IL36G: variants seen among roughly 807,000 people sequenced by gnomAD.
IL36G encodes interleukin 36 gamma, also known as interleukin-36 gamma.
Under a neutral mutation model 13.5 loss-of-function variants are expected in IL36G, and 10 were observed. That is an observed-to-expected ratio of 0.74 (90% CI 0.46 to 1.26). IL36G has a LOEUF of 1.26. IL36G is among the 50% of genes most tolerant of loss of function. IL36G has a pLI of 0.00. For synonymous variants in IL36G, 84 were observed against 74.0 expected (o/e 1.13, Z -0.69); for missense variants, 199 against 203.0 (o/e 0.98, Z 0.12).
At chr2:112,981,391 G>A (rs1356966645) in intron 4 of IL36G, 10 of 731,614 alleles carry the variant, frequency 1.4e-5, no homozygotes, top group Non-Finnish European at 2.5e-5. Flanking sequence ...CCTTCACCTT[G>A]GCTTATCTCC....
Position 112,985,034 on chromosome 2 carries a change from A to T in IL36G, c.495A>T (p.Leu165Phe). 1 of 1,613,180 alleles carries T rather than the reference A, an allele frequency of 6.2e-7. No individual in the cohort carries two copies. Among genetic ancestry groups the T allele is most frequent in the Non-Finnish European group, 8.5e-7 (1 of 1,179,196 alleles). ...LGKSYNTAFE[L>F]NIND ...AGTCATACAACACTGCCTTTGAATT[A>T]AATATAAATGACTGAACTCAGCCTA... The change falls in exon 5 of 5, where the codon TTA becomes TTT. Residue 165 changes from leucine (L) to phenylalanine (F), a missense_variant. Physicochemically the swap from Leu to Phe is conservative, Grantham distance 22 (BLOSUM62 0). Transcript: ENST00000259205.
At chr2:112,980,626 A>T (rs1262799720) in intron 4 of IL36G, among the ~76,000 whole-genome samples, 1 of 152,214 alleles carries the variant, frequency 6.6e-6, no homozygotes, top group Non-Finnish European at 1.5e-5. Flanking sequence ...AGGAAGTGAA[A>T]TGAAAATGGT....
chr2:112,981,854 C>G (rs1684268090), intron 4 of IL36G, among the ~76,000 whole-genome samples: 1 of 152,164 alleles, frequency 6.6e-6, no homozygotes, highest in Non-Finnish European at 1.5e-5. Context: ...TTCCCAAGCT[C>G]TCTGGTTTGT....
chr2:112,982,894 G>A (rs948040986), intron 4 of IL36G, among the ~76,000 whole-genome samples: 2 of 152,298 alleles, frequency 1.3e-5, no homozygotes, highest in South Asian at 4.1e-4. Context: ...TATGGACAGC[G>A]ATTGCAGGAA....
chr2:112,984,647 G>C (rs1006115776), intron 4 of IL36G, among the ~76,000 whole-genome samples, 193 bp from the exon 5 acceptor site: 1 of 152,200 alleles, frequency 6.6e-6, no homozygotes, highest in Non-Finnish European at 1.5e-5. Flanking sequence ...ATTTGAGGGT[G>C]GGGGCTTGGA....
chr2:112,985,024 C>A lies in IL36G; in HGVS notation c.485C>A (p.Ala162Asp), dbSNP rs576289209. 8.7e-6 allele frequency: 14 copies of A among 1,613,524 alleles called. No individual in the cohort carries two copies. The South Asian group carries it at 1.4e-4, about 16-fold the overall frequency. ...GAACTTGGGAAGTCATACAACACTG[C>A]CTTTGAATTAAATATAAATGACTGA... ...TSELGKSYNTAFELNIND is the reference protein window; with the variant it reads ...TSELGKSYNTDFELNIND Residue 162 changes from alanine (A) to aspartate (D), a missense_variant, in exon 5 of 5, where the codon GCC becomes GAC. Physicochemically the swap from Ala to Asp is moderately radical, Grantham distance 126. Transcript: ENST00000259205.
At chr2:112,982,168 A>G (rs1451357959) in intron 4 of IL36G, among the ~76,000 whole-genome samples, 1 of 152,226 alleles carries the variant, frequency 6.6e-6, no homozygotes, top group East Asian at 1.9e-4. Context: ...GGATAGATAG[A>G]CCAGCAGTAC....
In IL36G at chr2:112,981,374, G is replaced by A; in HGVS notation, c.300+1226G>A. 8.1e-6 allele frequency: 6 copies of A among 744,170 alleles called. 1 individual carries two copies. The South Asian group carries it at 8.3e-5, about 10-fold the overall frequency. The allele number at this position is 744,170 out of a possible 1,614,324, so 46.1% of individuals were successfully genotyped here. On this transcript the variant is annotated intron_variant, in intron 4 of 4. Transcript: ENST00000259205. Reference sequence around the variant, plus strand: ...AGACAACTTTGCGGGCCTTCTCTGTGGTTCGTCCTTCACCTTGGCTTATCT... The same window carrying A: ...AGACAACTTTGCGGGCCTTCTCTGTAGTTCGTCCTTCACCTTGGCTTATCT...
At chr2:112,983,733 G>A (rs1233356427) in intron 4 of IL36G, among the ~76,000 whole-genome samples, 1 of 152,256 alleles carries the variant, frequency 6.6e-6, no homozygotes, top group East Asian at 1.9e-4. Flanking sequence ...GGGCTTTGCC[G>A]AGGAGTTTCA....
intron 4 of IL36G, chr2:112,981,049 T>C: frequency 1.5e-6 from 1 of 659,118 alleles, no homozygotes; most frequent in South Asian, 1.7e-5. Flanking sequence ...GCTAACAACA[T>C]AGCTTAAAAA....
chr2:112,984,570 C>A (rs183995193), intron 4 of IL36G, among the ~76,000 whole-genome samples: 67 of 152,276 alleles, frequency 4.4e-4, no homozygotes, highest in Admixed American at 9.2e-4. Context: ...AGAGTTCTAA[C>A]TTGTTGTTCA....
intron 1 of IL36G, 136 bp downstream of exon 1, chr2:112,978,214 G>A (rs1322505518): frequency 1.4e-5 from 3 of 214,876 alleles, no homozygotes; most frequent in African/African-American, 2.3e-5. Context: ...GCTTCTTACT[G>A]GGGAGTTGCT....
At chr2:112,983,408 A>C (rs1187040842) in intron 4 of IL36G, among the ~76,000 whole-genome samples, 1 of 152,178 alleles carries the variant, frequency 6.6e-6, no homozygotes, top group Non-Finnish European at 1.5e-5. Context: ...AGTTGGTACT[A>C]ATGAAGAAAA....
At chr2:112,982,315 A>C (rs1684278088) in intron 4 of IL36G, among the ~76,000 whole-genome samples, 1 of 152,236 alleles carries the variant, frequency 6.6e-6, no homozygotes, top group Non-Finnish European at 1.5e-5. Context: ...TCCCAGGACC[A>C]GTGAGGACCG....
chr2:112,983,878 G>A (rs943974659), intron 4 of IL36G, among the ~76,000 whole-genome samples: 2 of 152,198 alleles, frequency 1.3e-5, no homozygotes, highest in Non-Finnish European at 2.9e-5. Flanking sequence ...CATTTAGAAG[G>A]TCACCCTAAT....
intron 1 of IL36G, among the ~76,000 whole-genome samples, 154 bp downstream of exon 1, chr2:112,978,232 T>C (rs1026396450): frequency 2.0e-5 from 3 of 152,204 alleles, no homozygotes; most frequent in African/African-American, 7.2e-5. Context: ...GCTGGGATCC[T>C]GGCAGAGTGG....
intron 3 of IL36G, among the ~76,000 whole-genome samples, chr2:112,979,552 T>G (rs140162942): frequency 0.012 from 1,866 of 152,294 alleles, 50 homozygotes; most frequent in African/African-American, 0.042. Flanking sequence ...CTGTCAGTCA[T>G]CTGAAGCCCT....
chr2:112,985,151 G>A lies in IL36G; in HGVS notation c.*102G>A. 1.3e-6 allele frequency: 1 copy of A among 784,280 alleles called. No homozygotes were observed. Among genetic ancestry groups the A allele is most frequent in the East Asian group, 2.7e-5 (1 of 37,644 alleles). 48.6% of individuals were successfully genotyped at this position (784,280 alleles called of 1,614,324 possible). ...AGTGTCATTTTCACGCTGGTGCTGA[G>A]ACAGGGGCAAGGCTGCTGTTATCAT... On this transcript the variant is annotated 3_prime_UTR_variant, in exon 5 of 5. Transcript: ENST00000259205.
chr2:112,984,136 C>T (rs765628924), intron 4 of IL36G, among the ~76,000 whole-genome samples: 4 of 152,240 alleles, frequency 2.6e-5, no homozygotes, highest in Non-Finnish European at 5.9e-5. Flanking sequence ...AAGAACTTCT[C>T]ACTCAGGGTG....
Sources: allele counts gnomAD v4.1 joint callset (sites outside exome capture counted in the v4.1 genomes callset), GRCh38; gene constraint gnomAD v4.1.1; transcripts MANE v1.5; gene names NCBI Gene and HGNC (gene_info 2026-07-23, HGNC 2026-07-21).